FAHD2A: variants seen among roughly 807,000 people sequenced by gnomAD.
FAHD2A encodes fumarylacetoacetate hydrolase domain containing 2A.
FAHD2A carries 27 observed loss-of-function variants against 33.4 expected under a neutral mutation model. The observed-to-expected ratio is 0.81, with a 90% confidence interval of 0.60 to 1.11. The LOEUF is 1.11. Among genes scored for constraint, FAHD2A ranks in the 50% most tolerant of loss-of-function variants. The pLI, the probability that FAHD2A is intolerant of heterozygous loss-of-function variation, is 0.00. For synonymous variants in FAHD2A, 130 were observed against 153.3 expected (o/e 0.85, Z 1.12); for missense variants, 296 against 395.0 (o/e 0.75, Z 2.12).
chr2:95,414,573 T>C lies in FAHD2A; in HGVS notation c.*1616T>C. On this transcript the variant is annotated 3_prime_UTR_variant, in exon 8 of 8. Coordinates refer to ENST00000233379, the MANE Select transcript of FAHD2A (RefSeq NM_016044.3). ...GACAGCCTCTCCGCGGCCTTCCTCC[T>C]CCCTGCTCCAGAATTCTACTTGGTG... 3.7e-6 allele frequency: 1 copy of C among 272,120 alleles called. No homozygotes were observed. The highest frequency in any genetic ancestry group is 7.1e-6 in the Non-Finnish European group (1 of 139,874). The allele number at this position is 272,120 out of a possible 1,614,324, so 16.9% of individuals were successfully genotyped here.
chr2:95,415,480 CATGTT>C lies in FAHD2A; in HGVS notation c.*2531_*2535del, dbSNP rs1204845949. On this transcript the variant is annotated 3_prime_UTR_variant, in exon 8 of 8. Transcript: ENST00000233379. ...ATTAGTAGGAACATGTGAGATGAAG[CATGTT>C]ATGTTATTAGGCATTCTCTTGATTC... 1 of 151,702 alleles carries C rather than the reference CATGTT, an allele frequency of 6.6e-6. No homozygotes were observed. The highest frequency in any genetic ancestry group is 2.4e-5 in the African/African-American group (1 of 41,122). The allele number at this position is 151,702 out of a possible 1,614,324, so 9.4% of individuals were successfully genotyped here.
rs1558805064 is a variant in FAHD2A, at chr2:95,414,179, G to A, written c.*1222G>A. 4.4e-6 allele frequency: 7 copies of A among 1,576,514 alleles called. No homozygotes were observed. Among genetic ancestry groups the A allele is most frequent in the South Asian group, 3.5e-5 (3 of 86,708 alleles). ...TCCTAGAGTTGGGTTGTCACTGTCCGGCAGGGGGCAGCAGCCACCAGCAAA... is the reference window on the plus strand; with the variant it reads ...TCCTAGAGTTGGGTTGTCACTGTCCAGCAGGGGGCAGCAGCCACCAGCAAA... On this transcript the variant is annotated 3_prime_UTR_variant, in exon 8 of 8. Coordinates refer to ENST00000233379, the MANE Select transcript of FAHD2A (RefSeq NM_016044.3).
intron 5 of FAHD2A, among the ~76,000 whole-genome samples, chr2:95,411,963 A>AT (rs1476110745): frequency 6.6e-6 from 1 of 152,054 alleles, no homozygotes; most frequent in Non-Finnish European, 1.5e-5. Context: ...TGTTTTTATT[A>AT]TTTTTTGTAG....
Position 95,410,549 on chromosome 2 carries a change from T to C in FAHD2A, c.485T>C (p.Leu162Pro). 6.2e-7 allele frequency: 1 copy of C among 1,612,454 alleles called. No homozygotes were observed. Among genetic ancestry groups the C allele is most frequent in the African/African-American group, 1.3e-5 (1 of 75,004 alleles). Reference sequence around the variant, plus strand: ...CAGGAGGTAGATTGGGAAGTGGAGCTGGCCGTGGTCATTGGAAAGAAAGGC... The same window carrying C: ...CAGGAGGTAGATTGGGAAGTGGAGCCGGCCGTGGTCATTGGAAAGAAAGGC... ...QSQEVDWEVE[L>P]AVVIGKKGKH... Residue 162 changes from leucine to proline, a missense_variant, in exon 4 of 8, where the codon CTG (leucine) becomes CCG (proline). By Grantham distance (98) the Leu-to-Pro change is moderately conservative. Transcript: ENST00000233379.
rs1481265841 is a variant in FAHD2A, at chr2:95,414,216, G to T, written c.*1259G>T. On this transcript the variant is annotated 3_prime_UTR_variant, in exon 8 of 8. Transcript: ENST00000233379. ...CAGCCACCAGCAAACACCACTGCCT[G>T]CAGGAGCCTGGGCTGACTGGTTGGG... 6.3e-7 allele frequency: 1 copy of T among 1,596,412 alleles called. No individual in the cohort carries two copies. The highest frequency in any genetic ancestry group is 8.5e-7 in the Non-Finnish European group (1 of 1,172,318).
intron 3 of FAHD2A, 26 bp from the exon 4 acceptor site, chr2:95,410,501 C>G: frequency 6.3e-7 from 1 of 1,597,348 alleles, no homozygotes; most frequent in Non-Finnish European, 8.5e-7. Flanking sequence ...GCCACTGCAG[C>G]TCACTGTTCC....
intron 1 of FAHD2A, among the ~76,000 whole-genome samples, chr2:95,404,288 CT>C (rs1408286977): frequency 6.6e-6 from 1 of 151,926 alleles, no homozygotes; most frequent in East Asian, 1.9e-4. Context: ...GATCTGAGCC[CT>C]GAGGATTTTT....
chr2:95,409,194 A>ATTAG (rs928528186), intron 3 of FAHD2A, among the ~76,000 whole-genome samples: 198 of 152,082 alleles, frequency 1.3e-3, no homozygotes, highest in Non-Finnish European at 2.1e-3. Context: ...TATTTTTGTA[A>ATTAG]TAAGCAATCC....
At position 95,410,849 on chromosome 2, in the gene FAHD2A, C is replaced by A; in HGVS notation, c.523-15C>A. The A allele has an allele frequency of 6.2e-7, 1 of 1,613,674 alleles. No homozygotes were observed. ...GATCTAACCTCCTGTATGGCCAAAT[C>A]CCCTGCCCCCATAGGCCACAGATGC... On this transcript the variant is annotated splice_polypyrimidine_tract_variant and intron_variant, in intron 4 of 7. Coordinates refer to ENST00000233379, the MANE Select transcript of FAHD2A (RefSeq NM_016044.3).
intron 1 of FAHD2A, 115 bp from the exon 2 acceptor site, chr2:95,405,438 T>C (rs1681363283): frequency 1.4e-6 from 2 of 1,461,430 alleles, no homozygotes; most frequent in East Asian, 4.6e-5. Flanking sequence ...CCGTGTGGTA[T>C]GCAGGGAACG....
intron 5 of FAHD2A, 55 bp downstream of exon 5, chr2:95,411,081 T>C: frequency 6.2e-7 from 1 of 1,600,988 alleles, no homozygotes; most frequent in Non-Finnish European, 8.5e-7. Context: ...TGAACAGCGC[T>C]TCAGGGAGGA....
At position 95,414,086 on chromosome 2, in the gene FAHD2A, T is replaced by C. The variant is rs1558804899; in HGVS notation, c.*1129T>C. On this transcript the variant is annotated 3_prime_UTR_variant, in exon 8 of 8. Coordinates refer to ENST00000233379, the MANE Select transcript of FAHD2A (RefSeq NM_016044.3). ...AGACACTGGGCACAGGCTTCTCTCC[T>C]CTTGTTTAAAGAAGCCCAGGGAGGG... The C allele has an allele frequency of 7.1e-6, 10 of 1,417,776 alleles. No individual in the cohort carries two copies. The East Asian group carries it at 2.1e-4, about 29-fold the overall frequency. 87.8% of individuals were successfully genotyped at this position (1,417,776 alleles called of 1,614,324 possible).
downstream of FAHD2A, among the ~76,000 whole-genome samples, chr2:95,420,764 G>A (rs1463323531): frequency 3.3e-5 from 5 of 152,004 alleles, no homozygotes; most frequent in East Asian, 3.9e-4. Flanking sequence ...GTAAACTATG[G>A]GAAAGGAAGG....
At chr2:95,412,073 G>A (rs1200921074) in intron 5 of FAHD2A, among the ~76,000 whole-genome samples, 2 of 152,166 alleles carry the variant, frequency 1.3e-5, no homozygotes, top group Non-Finnish European at 2.9e-5. Flanking sequence ...TTACAGACAT[G>A]AGCCACCACG....
rs1045346 is a variant in FAHD2A at position 95,412,477 on chromosome 2, G to C, written c.729G>C (p.Val243=). 6.2e-7 allele frequency: 1 copy of C among 1,613,948 alleles called. No individual in the cohort carries two copies. ...TCTGCTGCCGAGTGAATGGGGAAGT[G>C]GTCCAGAGCGGCAACACCAACCAGA... ...LKICCRVNGE[V]VQSGNTNQMV... is the part of the protein sequence containing the mutation. Residue 243 remains valine, a synonymous_variant, in exon 6 of 8, where the codon GTG becomes GTC. Transcript: ENST00000233379.
At chr2:95,405,032 A>G (rs1392844730) in intron 1 of FAHD2A, among the ~76,000 whole-genome samples, 1 of 152,246 alleles carries the variant, frequency 6.6e-6, no homozygotes, top group Non-Finnish European at 1.5e-5. Flanking sequence ...GCCACTGTGA[A>G]GCCAGTTTCA....
At position 95,405,823 on chromosome 2, in the gene FAHD2A, C is replaced by T. The variant is rs201969425; in HGVS notation, c.245+20C>T. The stretch of plus-strand genomic sequence containing the variant: ...AAGAAGGTAAGTAAGTGGGCAGCAT[C>T]GCCCTGAAGCAGCTGCCCTGGTCCC... On this transcript the variant is annotated intron_variant, in intron 2 of 7. Coordinates refer to ENST00000233379, the MANE Select transcript of FAHD2A (RefSeq NM_016044.3). 2,763 of 1,562,662 alleles carry T rather than the reference C, an allele frequency of 1.8e-3. 2 individuals carry two copies. The highest frequency in any genetic ancestry group is 2.2e-3 in the Non-Finnish European group (2,551 of 1,152,466).
intron 3 of FAHD2A, among the ~76,000 whole-genome samples, chr2:95,409,321 CTT>C (rs902835472): frequency 6.8e-6 from 1 of 146,510 alleles, no homozygotes; most frequent in Non-Finnish European, 1.5e-5. Context: ...GAACAATGAC[CTT>C]TTTTTTTTTT....
intron 6 of FAHD2A, 60 bp from the exon 7 acceptor site, chr2:95,412,617 T>G: frequency 4.3e-6 from 7 of 1,613,630 alleles, no homozygotes; most frequent in Non-Finnish European, 5.9e-6. Context: ...GCCCTCCATC[T>G]TTGGCTGTGG....
Sources: allele counts gnomAD v4.1 joint callset (sites outside exome capture counted in the v4.1 genomes callset), GRCh38; gene constraint gnomAD v4.1.1; transcripts MANE v1.5; gene names NCBI Gene and HGNC (gene_info 2026-07-23, HGNC 2026-07-21).